The following SAMD8 variants were observed in gnomAD, a reference collection of about 807,000 sequenced individuals.
The protein encoded by SAMD8 is sterile alpha motif domain containing 8.
A neutral mutation model predicts 42.0 loss-of-function variants in SAMD8; 20 were observed. That is an observed-to-expected ratio of 0.48 (90% CI 0.34 to 0.69). SAMD8 has a LOEUF of 0.69. Among genes scored for constraint, SAMD8 ranks in the 30% least tolerant of loss-of-function variants. The pLI, the probability that SAMD8 is intolerant of heterozygous loss-of-function variation, is 0.01. For missense variants in SAMD8, 328 were observed against 511.6 expected (o/e 0.64, Z 3.46); for synonymous variants, 162 against 173.0 (o/e 0.94, Z 0.50).
At chr10:75,140,119 G>C (rs1839980297) in intron 1 of SAMD8, among the ~76,000 whole-genome samples, 1 of 152,114 alleles carries the variant, frequency 6.6e-6, no homozygotes, top group African/African-American at 2.4e-5. Flanking sequence ...GTTTGTTTCT[G>C]GACTCTATAT....
At chr10:75,130,723 G>T (rs1849256450) in intron 1 of SAMD8, among the ~76,000 whole-genome samples, 1 of 152,144 alleles carries the variant, frequency 6.6e-6, no homozygotes, top group Admixed American at 6.5e-5. Context: ...AATAATTTGT[G>T]TAAAGCAAAT....
At chr10:75,155,284 A>T (rs894673203) in intron 2 of SAMD8, among the ~76,000 whole-genome samples, 2 of 152,070 alleles carry the variant, frequency 1.3e-5, no homozygotes, top group African/African-American at 4.8e-5. Flanking sequence ...TTGGAGGGAA[A>T]ATTAAGGGTT....
intron 1 of SAMD8, among the ~76,000 whole-genome samples, chr10:75,120,142 G>C (rs549494453): frequency 6.6e-6 from 1 of 152,236 alleles, no homozygotes; most frequent in Non-Finnish European, 1.5e-5. Flanking sequence ...ATTAAGCCCA[G>C]TGGAATAGCT....
intron 2 of SAMD8, among the ~76,000 whole-genome samples, chr10:75,152,277 C>CT (rs1840307327): frequency 6.6e-6 from 1 of 151,264 alleles, no homozygotes; most frequent in South Asian, 2.1e-4. Context: ...AATCCCAGCA[C>CT]TTTGGGAGGC....
chr10:75,151,615 G>A (rs1245947490), intron 2 of SAMD8, among the ~76,000 whole-genome samples: 1 of 152,178 alleles, frequency 6.6e-6, no homozygotes, highest in African/African-American at 2.4e-5. Flanking sequence ...GCCTCTTAAA[G>A]TGTTGGGATT....
At chr10:75,130,590 A>G (rs1440001959) in intron 1 of SAMD8, among the ~76,000 whole-genome samples, 1 of 152,188 alleles carries the variant, frequency 6.6e-6, no homozygotes, top group Non-Finnish European at 1.5e-5. Flanking sequence ...TTTAGCTCCA[A>G]GGAAAAGCAG....
At chr10:75,131,252 C>G (rs1429194253) in intron 1 of SAMD8, among the ~76,000 whole-genome samples, 3 of 152,218 alleles carry the variant, frequency 2.0e-5, no homozygotes, top group Admixed American at 1.3e-4. Context: ...ACCATCCATT[C>G]TAATTCTGCT....
chr10:75,173,306 T>C (rs867346698), intron 4 of SAMD8, among the ~76,000 whole-genome samples: 26 of 152,352 alleles, frequency 1.7e-4, no homozygotes, highest in African/African-American at 5.8e-4. Flanking sequence ...TATAATAAAT[T>C]AATTGCTTGA....
At chr10:75,133,032 T>C (rs1028144487) in intron 1 of SAMD8, among the ~76,000 whole-genome samples, 9 of 152,106 alleles carry the variant, frequency 5.9e-5, no homozygotes, top group Non-Finnish European at 1.2e-4. Context: ...TTGTTTTGTT[T>C]ATAATGATCC....
chr10:75,130,465 C>T (rs1476378063), intron 1 of SAMD8, among the ~76,000 whole-genome samples: 2 of 152,118 alleles, frequency 1.3e-5, no homozygotes, highest in African/African-American at 2.4e-5. Context: ...GAGATCGTAC[C>T]ATTGCACTCC....
upstream of SAMD8, among the ~76,000 whole-genome samples, chr10:75,109,644 T>C (rs1031965434): frequency 6.6e-6 from 1 of 152,030 alleles, no homozygotes; most frequent in African/African-American, 2.4e-5. Context: ...ACAGTCTAGG[T>C]GGGCCACAAA....
chr10:75,124,135 A>G (rs1849071453), intron 1 of SAMD8, among the ~76,000 whole-genome samples: 2 of 152,278 alleles, frequency 1.3e-5, no homozygotes, highest in East Asian at 1.9e-4. Flanking sequence ...ATAAACAAAC[A>G]AAACACCCAA....
intron 1 of SAMD8, among the ~76,000 whole-genome samples, chr10:75,133,549 CAACCT>C (rs1205379560): frequency 6.6e-6 from 1 of 152,194 alleles, no homozygotes; most frequent in Non-Finnish European, 1.5e-5. Flanking sequence ...GATAAGGAAT[CAACCT>C]AAGTGTCCGT....
intron 1 of SAMD8, among the ~76,000 whole-genome samples, chr10:75,134,192 G>A (rs561978209): frequency 6.6e-6 from 1 of 152,190 alleles, no homozygotes; most frequent in Admixed American, 6.5e-5. Flanking sequence ...GTGGGGGGCA[G>A]CCGGGAGAGG....
At chr10:75,117,809 C>T (rs1348945429) in intron 1 of SAMD8, among the ~76,000 whole-genome samples, 1 of 152,236 alleles carries the variant, frequency 6.6e-6, no homozygotes, top group Non-Finnish European at 1.5e-5. Context: ...AGATACTTAG[C>T]TTCTTTACTG....
intron 1 of SAMD8, among the ~76,000 whole-genome samples, chr10:75,123,195 CCCCACCCCA>C: frequency 8.0e-6 from 1 of 125,370 alleles, no homozygotes; most frequent in African/African-American, 3.1e-5. Context: ...CCCCACCCCA[CCCCACCCCA>C]CCCCACCCTG....
At chr10:75,116,940 G>A (rs1848896315) in intron 1 of SAMD8, among the ~76,000 whole-genome samples, 1 of 152,028 alleles carries the variant, frequency 6.6e-6, no homozygotes, top group South Asian at 2.1e-4. Context: ...CTCCCCAGTA[G>A]CTGGGATTAC....
At chr10:75,120,765 A>G (rs1208322745) in intron 1 of SAMD8, among the ~76,000 whole-genome samples, 1 of 145,738 alleles carries the variant, frequency 6.9e-6, no homozygotes, top group Non-Finnish European at 1.5e-5. Flanking sequence ...GTTGAAAAGT[A>G]ATTTCCATCT....
chr10:75,161,640 G>A (rs1050981964), intron 2 of SAMD8, among the ~76,000 whole-genome samples: 2 of 152,030 alleles, frequency 1.3e-5, no homozygotes, highest in Admixed American at 1.3e-4. Context: ...AATAAGAGAT[G>A]TTGCATTCTA....
Sources: gnomAD v4.1 joint callset for allele counts (sites outside exome capture counted in the v4.1 genomes callset) on GRCh38, gnomAD v4.1.1 for gene constraint, MANE v1.5 for transcripts, NCBI Gene and HGNC (gene_info 2026-07-23, HGNC 2026-07-21) for gene names.